WNT9A: variants seen among roughly 807,000 people sequenced by gnomAD.
WNT9A encodes the protein Wnt family member 9A, also known as protein Wnt-9a.
In WNT9A, 8 loss-of-function variants were observed where a neutral mutation model predicts 31.4. That is an observed-to-expected ratio of 0.26 (90% CI 0.15 to 0.46). The LOEUF (loss-of-function observed/expected upper bound fraction) is 0.46, where lower values mean the gene tolerates loss of function less well. Among genes scored for constraint, WNT9A ranks in the 20% least tolerant of loss-of-function variants. The pLI is 0.99. For synonymous variants in WNT9A, 236 were observed against 220.1 expected, an observed-to-expected ratio of 1.07 and a Z score of -0.64; for missense variants, 457 against 522.9, an observed-to-expected ratio of 0.87 and a Z score of 1.23.
intron 1 of WNT9A, chr1:227,941,764 C>G (rs1340079598): frequency 6.6e-6 from 1 of 152,426 alleles, no homozygotes; most frequent in Non-Finnish European, 1.5e-5. Flanking sequence ...TTCTGGGGGC[C>G]TGGCTCAGTC....
In WNT9A at chr1:227,921,350, C is replaced by A. The variant is rs1217945741; in HGVS notation, c.*168G>T. ...CACCCCACGCTGCTAGGTCTGAGCC[C>A]AGGGACTCAGCCCATGCAGGTGTAG... is the stretch of plus-strand genomic sequence containing the variant. On this transcript the variant is annotated 3_prime_UTR_variant, in exon 4 of 4. Transcript: ENST00000272164. 1.8e-6 allele frequency: 2 copies of A among 1,129,290 alleles called. No homozygotes were observed. Among genetic ancestry groups the A allele is most frequent in the Admixed American group, 5.4e-5 (2 of 37,374 alleles). 70.0% of individuals were successfully genotyped at this position (1,129,290 alleles called of 1,614,324 possible). A position where few individuals can be genotyped will look rare whatever the true frequency, so the allele number is the denominator to read the frequency against.
chr1:227,925,611 C>A lies in WNT9A; in HGVS notation c.96-92G>T. 1 of 1,424,760 alleles carries A rather than the reference C, an allele frequency of 7.0e-7. No individual in the cohort carries two copies. Among genetic ancestry groups the A allele is most frequent in the African/African-American group, 1.4e-5 (1 of 69,216 alleles). 88.3% of individuals were successfully genotyped at this position (1,424,760 alleles called of 1,614,324 possible). A position where few individuals can be genotyped will look rare whatever the true frequency, so the allele number is the denominator to read the frequency against. On this transcript the variant is annotated intron_variant, in intron 1 of 3. Coordinates refer to ENST00000272164, the MANE Select transcript of WNT9A (RefSeq NM_003395.4). This position sits in a 1 kb window ranked among gnomAD's most constrained non-coding sequence, Gnocchi z 6.0. ...CGGTGGCCAGGGTACAGGGGACAGG[C>A]GTGTCCATCCGGGGGTGAGGGGGCA...
chr1:227,938,322 T>C (rs188681921), intron 1 of WNT9A, among the ~76,000 whole-genome samples: 1 of 137,606 alleles, frequency 7.3e-6, no homozygotes, highest in Admixed American at 7.5e-5. Flanking sequence ...TACCCATACA[T>C]ACACACCCAT....
intron 3 of WNT9A, among the ~76,000 whole-genome samples, chr1:227,922,640 C>G (rs927352808): frequency 2.0e-5 from 3 of 152,136 alleles, no homozygotes; most frequent in Admixed American, 6.5e-5. Flanking sequence ...GGAGAGTGTC[C>G]AGGCTGGCCC....
At chr1:227,938,194 TAC>T (rs748050745) in intron 1 of WNT9A, among the ~76,000 whole-genome samples, 1 of 151,596 alleles carries the variant, frequency 6.6e-6, no homozygotes. Context: ...AAGTTAAATA[TAC>T]ACACACACAC....
intron 1 of WNT9A, 128 bp downstream of exon 1, chr1:227,947,665 C>T: frequency 2.5e-6 from 1 of 397,168 alleles, no homozygotes; most frequent in Non-Finnish European, 3.5e-6. Flanking sequence ...CAAACAGCGC[C>T]AGGCAACCCG....
chr1:227,931,868 C>T (rs554075594), intron 1 of WNT9A, among the ~76,000 whole-genome samples: 3 of 147,342 alleles, frequency 2.0e-5, no homozygotes, highest in East Asian at 4.0e-4. Flanking sequence ...TTTGGGGTGG[C>T]TGTGGAAATG....
Position 227,942,004 on chromosome 1 carries a change from G to A in WNT9A, c.95+5789C>T, listed in dbSNP as rs1200113481. 6.6e-6 allele frequency among the ~76,000 whole-genome samples: 1 copy of A among 152,034 alleles called. No individual in the cohort carries two copies. Among genetic ancestry groups the A allele is most frequent in the Non-Finnish European group, 1.5e-5 (1 of 67,990 alleles). Reference sequence around the variant, plus strand: ...GAGCCTCCAGGAGGTATCCGTGCCTGTGTGCTCTTTCCTAGGGGAAGAGTC... The same window carrying A: ...GAGCCTCCAGGAGGTATCCGTGCCTATGTGCTCTTTCCTAGGGGAAGAGTC... On this transcript the variant is annotated intron_variant, in intron 1 of 3. Transcript: ENST00000272164. The surrounding 1 kb of genome is among the most constrained non-coding windows in gnomAD (Gnocchi z 5.7).
At chr1:227,929,382 CTGACA>C (rs1666471853) in intron 1 of WNT9A, among the ~76,000 whole-genome samples, 1 of 152,262 alleles carries the variant, frequency 6.6e-6, no homozygotes, top group South Asian at 2.1e-4. Context: ...GAATTCCAGA[CTGACA>C]TATCTAGGAA....
At chr1:227,943,179 C>G (rs1001728115) in intron 1 of WNT9A, among the ~76,000 whole-genome samples, 1 of 152,198 alleles carries the variant, frequency 6.6e-6, no homozygotes, top group African/African-American at 2.4e-5. Flanking sequence ...TCCGCAGCCT[C>G]CTCTTGAGAG....
chr1:227,935,405 A>T (rs1666577986), intron 1 of WNT9A, among the ~76,000 whole-genome samples: 1 of 151,926 alleles, frequency 6.6e-6, no homozygotes. Flanking sequence ...TCAGGCTGCC[A>T]AACAGAGACC....
Position 227,921,033 on chromosome 1 carries a change from A to C in WNT9A, c.*485T>G. The C allele has an allele frequency of 6.3e-6, 1 of 159,430 alleles. No homozygotes were observed. Among genetic ancestry groups the C allele is most frequent in the Non-Finnish European group, 1.4e-5 (1 of 72,840 alleles). 9.9% of individuals were successfully genotyped at this position (159,430 alleles called of 1,614,324 possible). A position where few individuals can be genotyped will look rare whatever the true frequency, so the allele number is the denominator to read the frequency against. The stretch of plus-strand genomic sequence containing the variant: ...GTCCTTGCAGGTGTAGACCCCTCAT[A>C]CTGCATGCATGGCCCTCACCCTGCA... On this transcript the variant is annotated 3_prime_UTR_variant, in exon 4 of 4. Coordinates refer to ENST00000272164, the MANE Select transcript of WNT9A (RefSeq NM_003395.4).
chr1:227,928,944 C>T lies in WNT9A; in HGVS notation c.96-3425G>A, dbSNP rs1666464126. On this transcript the variant is annotated intron_variant, in intron 1 of 3. Coordinates refer to ENST00000272164, the MANE Select transcript of WNT9A (RefSeq NM_003395.4). This position sits in a 1 kb window ranked among gnomAD's most constrained non-coding sequence, Gnocchi z 4.5. ...AGCGCAGAGTCCAGAGACCAACAGA[C>T]AAATTACATCTGGGGCAAATGCCTA... 6.6e-6 allele frequency among the ~76,000 whole-genome samples: 1 copy of T among 152,228 alleles called. No individual in the cohort carries two copies. Among genetic ancestry groups the T allele is most frequent in the Non-Finnish European group, 1.5e-5 (1 of 68,038 alleles).
intron 1 of WNT9A, among the ~76,000 whole-genome samples, chr1:227,935,328 T>C (rs1300177765): frequency 1.3e-5 from 2 of 152,056 alleles, no homozygotes; most frequent in Non-Finnish European, 2.9e-5. Flanking sequence ...CAGTTCACTA[T>C]AGTGGGGACT....
Position 227,921,808 on chromosome 1 carries a change from G to A in WNT9A, c.808C>T (p.Pro270Ser), listed in dbSNP as rs764343574. The A allele has an allele frequency of 1.2e-6, 2 of 1,612,886 alleles. No individual in the cohort carries two copies. The highest frequency in any genetic ancestry group is 3.3e-5 in the Admixed American group (2 of 60,022). Reference sequence around the variant, plus strand: ...CCTGCCCCCGAGGCACGGCCCCGTGGTGGGGAGATGGCACCTGCCTCGCCG... The same window carrying A: ...CCTGCCCCCGAGGCACGGCCCCGTGATGGGGAGATGGCACCTGCCTCGCCG... Reference protein sequence around the residue: ...AAGEAGAISPPRGRASGAGGS... With the variant: ...AAGEAGAISPSRGRASGAGGS... Residue 270 changes from proline to serine, a missense_variant, in exon 4 of 4, where the codon CCA becomes TCA. Pro to Ser is a moderately conservative substitution (Grantham distance 74). Transcript: ENST00000272164.
chr1:227,938,434 C>T (rs1318631873), intron 1 of WNT9A, among the ~76,000 whole-genome samples: 1 of 151,626 alleles, frequency 6.6e-6, no homozygotes, highest in Admixed American at 6.6e-5. Context: ...CATACGAACC[C>T]ATAAACCCAT....
rs1572136388 is a variant in WNT9A at position 227,942,842 on chromosome 1, A to G, written c.95+4951T>C. 6.6e-6 allele frequency among the ~76,000 whole-genome samples: 1 copy of G among 152,068 alleles called. No individual in the cohort carries two copies. Among genetic ancestry groups the G allele is most frequent in the Admixed American group, 6.5e-5 (1 of 15,284 alleles). ...CCCCCCGGCCCACAGTGCTCAGAGCACCCGACCCAGGCCCCAGCCATGGGG... is the reference window on the plus strand; with the variant it reads ...CCCCCCGGCCCACAGTGCTCAGAGCGCCCGACCCAGGCCCCAGCCATGGGG... On this transcript the variant is annotated intron_variant, in intron 1 of 3. Coordinates refer to ENST00000272164, the MANE Select transcript of WNT9A (RefSeq NM_003395.4). The surrounding 1 kb of genome is among the most constrained non-coding windows in gnomAD (Gnocchi z 5.7).
intron 3 of WNT9A, 69 bp from the exon 4 acceptor site, chr1:227,922,069 C>T (rs796639546): frequency 2.6e-6 from 4 of 1,528,622 alleles, no homozygotes; most frequent in East Asian, 2.3e-5. Context: ...GCAGACCCTG[C>T]CCTGGACCCC....
At chr1:227,945,832 G>C (rs545539368) in intron 1 of WNT9A, among the ~76,000 whole-genome samples, 2 of 152,274 alleles carry the variant, frequency 1.3e-5, no homozygotes, top group South Asian at 2.1e-4. Flanking sequence ...CCAACCTTGG[G>C]AACTGACTTA....
Sources: gnomAD v4.1 joint callset for allele counts (sites outside exome capture counted in the v4.1 genomes callset) on GRCh38, gnomAD v4.1.1 for gene constraint, Gnocchi (gnomAD v3.1) non-coding constraint, MANE v1.5 for transcripts, NCBI Gene and HGNC (gene_info 2026-07-23, HGNC 2026-07-21) for gene names.